DDX23: variants seen among roughly 807,000 people sequenced by gnomAD.
DDX23 encodes the protein probable ATP-dependent RNA helicase DDX23.
A neutral mutation model predicts 102.7 loss-of-function variants in DDX23; 33 were observed. The observed-to-expected ratio is 0.32, with a 90% CI of 0.24 to 0.43. The LOEUF is 0.43. DDX23 is among the 20% of genes least tolerant of loss of function. The pLI is 1.00. For missense variants in DDX23, 549 were observed against 1,086.6 expected, an observed-to-expected ratio of 0.51 and a Z score of 6.96; for synonymous variants, 352 against 376.0, an observed-to-expected ratio of 0.94 and a Z score of 0.74.
intron 15 of DDX23, among the ~76,000 whole-genome samples, chr12:48,831,562 G>C (rs1232776129): frequency 6.6e-6 from 1 of 152,194 alleles, no homozygotes; most frequent in African/African-American, 2.4e-5. Context: ...ACAGCTGGGA[G>C]AGCGGTGGAG....
rs1012919111 is a variant in DDX23 at position 48,830,954 on chromosome 12, C to T, written c.2239+188G>A. 2.6e-5 allele frequency among the ~76,000 whole-genome samples: 4 copies of T among 152,146 alleles called. No homozygotes were observed. The highest frequency in any genetic ancestry group is 2.0e-4 in the Admixed American group (3 of 15,260). ...CACTCCTGAGGACACAAGTGTCATC[C>T]CAGCTGCTGGGACAACAAACCCAGG... On this transcript the variant is annotated intron_variant, in intron 16 of 16. Coordinates refer to ENST00000308025, the MANE Select transcript of DDX23 (RefSeq NM_004818.3). The surrounding 1 kb of genome is among the most constrained non-coding windows in gnomAD (Gnocchi z 4.9).
intron 15 of DDX23, among the ~76,000 whole-genome samples, chr12:48,831,583 G>T (rs1038174102): frequency 6.6e-6 from 1 of 152,116 alleles, no homozygotes; most frequent in African/African-American, 2.4e-5. Context: ...CCAGACAGAT[G>T]AAAAGTCCTC....
At position 48,832,221 on chromosome 12, in the gene DDX23, A is replaced by G; in HGVS notation, c.1956-35T>C. On this transcript the variant is annotated intron_variant, in intron 14 of 16. Coordinates refer to ENST00000308025, the MANE Select transcript of DDX23 (RefSeq NM_004818.3). This position sits in a 1 kb window ranked among gnomAD's most constrained non-coding sequence, Gnocchi z 4.4. ...AGAGGAGAAAAACAAGATGCATAAT[A>G]CCTCCCACTCCAAGTGAAATGCCCA... is the stretch of plus-strand genomic sequence containing the variant. 6.2e-7 allele frequency: 1 copy of G among 1,606,940 alleles called. No individual in the cohort carries two copies. The highest frequency in any genetic ancestry group is 1.7e-4 in the Middle Eastern group (1 of 6,046).
intron 2 of DDX23, among the ~76,000 whole-genome samples, chr12:48,844,324 G>T (rs907630420): frequency 6.6e-6 from 1 of 152,080 alleles, no homozygotes; most frequent in Non-Finnish European, 1.5e-5. Context: ...TCACGCCCAG[G>T]CTGGAGTGCA....
chr12:48,844,271 G>T (rs552872861), intron 2 of DDX23, among the ~76,000 whole-genome samples: 1 of 152,240 alleles, frequency 6.6e-6, no homozygotes, highest in African/African-American at 2.4e-5. Flanking sequence ...TATGTGAACA[G>T]ATGAACCTTC....
At chr12:48,843,840 G>A (rs905752517) in intron 3 of DDX23, 100 bp downstream of exon 3, 4 of 1,331,288 alleles carry the variant, frequency 3.0e-6, no homozygotes, top group Middle Eastern at 2.0e-4. Context: ...GAGCCACCAC[G>A]CCTGGCGAGA....
At chr12:48,843,753 T>C (rs61941108) in intron 3 of DDX23, among the ~76,000 whole-genome samples, 187 bp downstream of exon 3, 42,621 of 151,762 alleles carry the variant, frequency 0.28, 6,866 homozygotes, top group East Asian at 0.59. Flanking sequence ...TTTCACCATG[T>C]TAGCCAGGAT....
chr12:48,831,440 G>C, intron 15 of DDX23, 124 bp from the exon 16 acceptor site: 1 of 887,654 alleles, frequency 1.1e-6, no homozygotes, highest in Non-Finnish European at 1.8e-6. Context: ...GAAAGGAAAG[G>C]AAACAAGAGA....
chr12:48,848,109 C>T (rs1938697105), intron 1 of DDX23, among the ~76,000 whole-genome samples: 1 of 152,032 alleles, frequency 6.6e-6, no homozygotes, highest in Non-Finnish European at 1.5e-5. Context: ...CAGGGTGAAA[C>T]CCCGTCTCCA....
chr12:48,846,945 A>C (rs541415706), intron 1 of DDX23, among the ~76,000 whole-genome samples: 1 of 152,206 alleles, frequency 6.6e-6, no homozygotes, highest in Non-Finnish European at 1.5e-5. Context: ...CTGAATCTGC[A>C]ACCACCTCAT....
rs1938387171 is a variant in DDX23 at position 48,831,572 on chromosome 12, G to A, written c.2065-256C>T. ...GCAAAACAGCTGGGAGAGCGGTGGAGCCAGACAGATGAAAAGTCCTCAAAG... is the reference window on the plus strand; with the variant it reads ...GCAAAACAGCTGGGAGAGCGGTGGAACCAGACAGATGAAAAGTCCTCAAAG... On this transcript the variant is annotated intron_variant, in intron 15 of 16. Coordinates refer to ENST00000308025, the MANE Select transcript of DDX23 (RefSeq NM_004818.3). Among the ~76,000 whole-genome samples the A allele has an allele frequency of 2.0e-5, 3 of 152,154 alleles. No homozygotes were observed. In the South Asian group the frequency reaches 6.2e-4, roughly 32 times the overall value.
At chr12:48,840,981 C>G (rs972326098) in intron 3 of DDX23, among the ~76,000 whole-genome samples, 1 of 152,282 alleles carries the variant, frequency 6.6e-6, no homozygotes, top group South Asian at 2.1e-4. Flanking sequence ...TTCCCCATAC[C>G]TGCTCTAAGC....
At position 48,844,014 on chromosome 12, in the gene DDX23, C is replaced by G. The variant is rs756597836; in HGVS notation, c.246G>C (p.Glu82Asp). Residue 82 changes from glutamate to aspartate, a missense_variant, in exon 3 of 17, where the codon GAG becomes GAC. This residue lies in a region of DDX23 where 241 missense variants were observed against 267.0 expected (regional missense o/e 0.90). Transcript: ENST00000308025. ...RRHKERERDK[E>D]RDRNKKDRDR... Reference sequence around the variant, plus strand: ...CTCGGTCCTTCTTATTCCGATCCCGCTCCTTATCTCGTTCTCGTTCTTTGT... The same window carrying G: ...CTCGGTCCTTCTTATTCCGATCCCGGTCCTTATCTCGTTCTCGTTCTTTGT... The G allele has an allele frequency of 6.2e-7, 1 of 1,614,026 alleles. No homozygotes were observed.
At position 48,832,800 on chromosome 12, in the gene DDX23, G is replaced by C. The variant is rs1055996003; in HGVS notation, c.1804-227C>G. 39 of 590,576 alleles carry C rather than the reference G, an allele frequency of 6.6e-5. No individual in the cohort carries two copies. In the African/African-American group the frequency reaches 6.7e-4, roughly 10 times the overall value. The allele number at this position is 590,576 out of a possible 1,614,324, so 36.6% of individuals were successfully genotyped here. On this transcript the variant is annotated intron_variant, in intron 13 of 16. Coordinates refer to ENST00000308025, the MANE Select transcript of DDX23 (RefSeq NM_004818.3). This position sits in a 1 kb window ranked among gnomAD's most constrained non-coding sequence, Gnocchi z 4.4. ...ATGACAGGAAGGATTGAGAGCATTT[G>C]CTAGCACCTGTGGTCCCGGTAGCAG... is the stretch of plus-strand genomic sequence containing the variant.
intron 2 of DDX23, 23 bp downstream of exon 2, chr12:48,845,551 A>T (rs1938651545): frequency 1.9e-6 from 3 of 1,613,432 alleles, no homozygotes; most frequent in Non-Finnish European, 2.5e-6. Flanking sequence ...CTTCCCATGT[A>T]ATAACATACA....
chr12:48,840,007 C>A lies in DDX23; in HGVS notation c.414+6G>T, dbSNP rs1451319236. 6.2e-7 allele frequency: 1 copy of A among 1,613,562 alleles called. No individual in the cohort carries two copies. Among genetic ancestry groups the A allele is most frequent in the South Asian group, 1.1e-5 (1 of 91,076 alleles). The stretch of plus-strand genomic sequence containing the variant: ...GAAGATGAAAAATATCCTTCCTCTC[C>A]TTTACCTTAGGCTTCTTATCACCAT... On this transcript the variant is annotated splice_donor_region_variant and intron_variant, in intron 4 of 16. Coordinates refer to ENST00000308025, the MANE Select transcript of DDX23 (RefSeq NM_004818.3).
chr12:48,841,694 C>G (rs967014764), intron 3 of DDX23, among the ~76,000 whole-genome samples: 1 of 152,246 alleles, frequency 6.6e-6, no homozygotes, highest in East Asian at 1.9e-4. Flanking sequence ...AGCTCCTGAC[C>G]GCGAGTGATC....
chr12:48,843,063 G>A (rs1454804674), intron 3 of DDX23, among the ~76,000 whole-genome samples: 1 of 150,390 alleles, frequency 6.6e-6, no homozygotes, highest in Non-Finnish European at 1.5e-5. Flanking sequence ...TAAGGGTGGT[G>A]CAAGATGTGC....
chr12:48,848,413 T>A (rs1330112203), intron 1 of DDX23, among the ~76,000 whole-genome samples: 5 of 151,314 alleles, frequency 3.3e-5, no homozygotes, highest in Non-Finnish European at 7.4e-5. Context: ...AATAAAACAG[T>A]GATATGATGG....
Sources: allele counts gnomAD v4.1 joint callset (sites outside exome capture counted in the v4.1 genomes callset), GRCh38; gene constraint gnomAD v4.1.1; regional missense constraint gnomAD v4.1.1; non-coding constraint Gnocchi (gnomAD v3.1); transcripts MANE v1.5; gene names NCBI Gene and HGNC (gene_info 2026-07-23, HGNC 2026-07-21).